ZNF343: variants seen among roughly 807,000 people sequenced by gnomAD.
ZNF343 encodes zinc finger protein 343.
Under a neutral mutation model 13.8 loss-of-function variants are expected in ZNF343, and 11 were observed. The ratio of observed to expected loss-of-function variants is 0.80; its 90% CI spans 0.50 to 1.32. The LOEUF is 1.32. Among genes scored for constraint, ZNF343 ranks in the 40% most tolerant of loss-of-function variants. The probability of loss-of-function intolerance (pLI) is 0.00; values close to 1 mark genes in which losing one functional copy is unlikely to be tolerated. For synonymous variants in ZNF343, 248 were observed against 260.0 expected, an observed-to-expected ratio of 0.95 and a Z score of 0.44; for missense variants, 658 against 714.2, an observed-to-expected ratio of 0.92 and a Z score of 0.90.
At chr20:2,516,563 G>A (rs2085760306) in intron 1 of ZNF343, among the ~76,000 whole-genome samples, 1 of 152,146 alleles carries the variant, frequency 6.6e-6, no homozygotes, top group Non-Finnish European at 1.5e-5. Context: ...AATAAACTCA[G>A]AGTGAGGATG....
chr20:2,484,098 T>A lies in ZNF343; in HGVS notation c.863A>T (p.His288Leu), dbSNP rs748234345. 6.2e-7 allele frequency: 1 copy of A among 1,614,212 alleles called. No individual in the cohort carries two copies. The highest frequency in any genetic ancestry group is 8.5e-7 in the Non-Finnish European group (1 of 1,180,042). ...AGGCTTCTCCATCGAGTGTATACGATGGTGTCTGATGAGGGTTGATCTATC... is the reference window on the plus strand; with the variant it reads ...AGGCTTCTCCATCGAGTGTATACGAAGGTGTCTGATGAGGGTTGATCTATC... Reference protein sequence around the residue: ...FKDRSTLIRHHRIHSMEKPYV... With the variant: ...FKDRSTLIRHLRIHSMEKPYV... Residue 288 changes from histidine (H) to leucine (L), a missense_variant, in exon 6 of 6, where the codon CAT (histidine) becomes CTT (leucine). Transcript: ENST00000278772.
chr20:2,483,001 G>T lies in ZNF343; in HGVS notation c.*160C>A, dbSNP rs866674812. On this transcript the variant is annotated 3_prime_UTR_variant, in exon 6 of 6. Transcript: ENST00000278772. ...TACTCATAAGGCTCCTCTCCTGAAC[G>T]TGTCCCTCCCATGCCTGATAAGGGC... is the stretch of plus-strand genomic sequence containing the variant. 2 of 837,264 alleles carry T rather than the reference G, an allele frequency of 2.4e-6. No homozygotes were observed. The highest frequency in any genetic ancestry group is 3.6e-6 in the Non-Finnish European group (2 of 549,346). The allele number at this position is 837,264 out of a possible 1,614,324, so 51.9% of individuals were successfully genotyped here.
At position 2,490,300 on chromosome 20, in the gene ZNF343, G is replaced by A. The variant is rs531957227; in HGVS notation, c.304+2399C>T. On this transcript the variant is annotated intron_variant, in intron 5 of 5. Transcript: ENST00000278772. ...ACACAGAAAAGGAGTATGTGACACTGACTCCTACGGACCCCTGCAGCCCAG... is the reference window on the plus strand; with the variant it reads ...ACACAGAAAAGGAGTATGTGACACTAACTCCTACGGACCCCTGCAGCCCAG... Among the ~76,000 whole-genome samples, 5 of 152,208 alleles carry A rather than the reference G, an allele frequency of 3.3e-5. No homozygotes were observed. In the South Asian group the frequency reaches 8.3e-4, roughly 25 times the overall value.
At chr20:2,492,875 C>T (rs199997106) in intron 4 of ZNF343, 50 bp from the exon 5 acceptor site, 3 of 1,605,154 alleles carry the variant, frequency 1.9e-6, no homozygotes. Flanking sequence ...TCAATCTTCC[C>T]TGTGTGTGGA....
chr20:2,488,137 A>G (rs968828607), intron 5 of ZNF343, among the ~76,000 whole-genome samples: 1 of 152,192 alleles, frequency 6.6e-6, no homozygotes, highest in African/African-American at 2.4e-5. Context: ...TACAGCGTCA[A>G]ACTTATCACT....
At chr20:2,502,480 CG>C (rs752353379) in intron 1 of ZNF343, among the ~76,000 whole-genome samples, 4 of 151,782 alleles carry the variant, frequency 2.6e-5, no homozygotes, top group Non-Finnish European at 5.9e-5. Flanking sequence ...AGATACTCCT[CG>C]AGAAGAGCAA....
chr20:2,483,644 GCAAACATAA>G lies in ZNF343; in HGVS notation c.1308_1316del (p.Tyr437_Cys439del). 6.2e-7 allele frequency: 1 copy of G among 1,613,018 alleles called. No homozygotes were observed. Among genetic ancestry groups the G allele is most frequent in the Non-Finnish European group, 8.5e-7 (1 of 1,179,574 alleles). Reference sequence around the variant, plus strand: ...CACAAAAGCCTCGCCCACACTCCCTGCAAACATAAGGCTTCTCATCCAAGTGTGTCCTCT... The same window carrying G: ...CACAAAAGCCTCGCCCACACTCCCTGGGCTTCTCATCCAAGTGTGTCCTCT... On this transcript the variant is annotated inframe_deletion, in exon 6 of 6. Coordinates refer to ENST00000278772, the MANE Select transcript of ZNF343 (RefSeq NM_024325.6).
intron 5 of ZNF343, among the ~76,000 whole-genome samples, chr20:2,486,059 C>T (rs551607926): frequency 6.6e-6 from 1 of 152,320 alleles, no homozygotes; most frequent in African/African-American, 2.4e-5. Context: ...GATATTTTGA[C>T]TGTGATTCGC....
chr20:2,514,575 T>A (rs2085751132), intron 1 of ZNF343, among the ~76,000 whole-genome samples: 1 of 152,196 alleles, frequency 6.6e-6, no homozygotes, highest in Admixed American at 6.5e-5. Context: ...CAAATCAAAG[T>A]AAGATGAATC....
chr20:2,491,456 C>T (rs763068864), intron 5 of ZNF343, among the ~76,000 whole-genome samples: 3 of 152,154 alleles, frequency 2.0e-5, no homozygotes, highest in African/African-American at 4.8e-5. Flanking sequence ...TATATTTCTA[C>T]TAGACAGCAC....
At chr20:2,509,628 G>T (rs543338993), upstream of ZNF343, among the ~76,000 whole-genome samples, 10 of 152,284 alleles carry the variant, frequency 6.6e-5, no homozygotes, top group South Asian at 2.1e-3. Context: ...GTAACCCCGA[G>T]GGAGGCTGAG....
At chr20:2,499,464 C>CAAAAA (rs35155995) in intron 2 of ZNF343, among the ~76,000 whole-genome samples, 69 of 66,558 alleles carry the variant, frequency 1.0e-3, no homozygotes, top group Non-Finnish European at 1.3e-3. Flanking sequence ...GACTCCGTCT[C>CAAAAA]AAAAAAAAAA....
chr20:2,521,823 A>C (rs2085783587), intron 1 of ZNF343, among the ~76,000 whole-genome samples: 1 of 152,238 alleles, frequency 6.6e-6, no homozygotes, highest in African/African-American at 2.4e-5. Flanking sequence ...AAGCTGGGAC[A>C]TAGACGTGGG....
intron 5 of ZNF343, among the ~76,000 whole-genome samples, chr20:2,487,158 A>G (rs557829416): frequency 1.3e-5 from 2 of 152,282 alleles, no homozygotes; most frequent in African/African-American, 4.8e-5. Context: ...TCGTGTTATT[A>G]TTTTGGAACA....
chr20:2,493,487 C>G, intron 4 of ZNF343, 32 bp downstream of exon 4: 1 of 1,595,418 alleles, frequency 6.3e-7, no homozygotes, highest in Non-Finnish European at 8.6e-7. Flanking sequence ...GCCAGCACTT[C>G]AGGAAAAAAA....
chr20:2,496,555 G>C (rs911349010), intron 2 of ZNF343, among the ~76,000 whole-genome samples: 1 of 152,158 alleles, frequency 6.6e-6, no homozygotes, highest in African/African-American at 2.4e-5. Context: ...TCTCTGGCTG[G>C]TAGACTAGGA....
upstream of ZNF343, among the ~76,000 whole-genome samples, chr20:2,524,955 C>A (rs2085798778): frequency 6.6e-6 from 1 of 152,224 alleles, no homozygotes; most frequent in Admixed American, 6.5e-5. Context: ...AAAGCGGAGT[C>A]CCCCTCTCCG....
At chr20:2,490,532 T>C (rs912305928) in intron 5 of ZNF343, among the ~76,000 whole-genome samples, 1 of 148,518 alleles carries the variant, frequency 6.7e-6, no homozygotes, top group African/African-American at 2.5e-5. Context: ...TGGGTCTTTT[T>C]TTTGGTTTTT....
At chr20:2,519,052 T>G (rs1292581727) in intron 1 of ZNF343, among the ~76,000 whole-genome samples, 1 of 152,226 alleles carries the variant, frequency 6.6e-6, no homozygotes, top group Admixed American at 6.5e-5. Context: ...CCCAGCCATG[T>G]GCAACTGTGA....
Sources: allele counts gnomAD v4.1 joint callset (sites outside exome capture counted in the v4.1 genomes callset), GRCh38; gene constraint gnomAD v4.1.1; transcripts MANE v1.5; gene names NCBI Gene and HGNC (gene_info 2026-07-23, HGNC 2026-07-21).